CDH13: variants seen among roughly 807,000 people sequenced by gnomAD.
CDH13 encodes cadherin-13.
Under a neutral mutation model 63.8 loss-of-function variants are expected in CDH13, and 24 were observed. That is an observed-to-expected ratio of 0.38 (90% CI 0.27 to 0.53). CDH13 has a LOEUF of 0.53. Among genes scored for constraint, CDH13 ranks in the 20% least tolerant of loss-of-function variants. The probability of loss-of-function intolerance (pLI) is 0.85; values close to 1 mark genes in which losing one functional copy is unlikely to be tolerated. For missense variants in CDH13, 1,049 were observed against 903.1 expected (o/e 1.16, Z -2.07); for synonymous variants, 503 against 355.3 (o/e 1.42, Z -4.67).
intron 1 of CDH13, among the ~76,000 whole-genome samples, chr16:82,853,619 C>G (rs943160070): frequency 2.4e-4 from 37 of 152,210 alleles, no homozygotes; most frequent in African/African-American, 7.7e-4. Context: ...TGGCTTAAAC[C>G]TGTGCTTATA....
intron 1 of CDH13, among the ~76,000 whole-genome samples, chr16:82,737,309 G>T (rs1489560877): frequency 6.6e-6 from 1 of 152,152 alleles, no homozygotes; most frequent in East Asian, 1.9e-4. Context: ...CTCTCTCTTT[G>T]CTGCTCTCAG....
intron 6 of CDH13, among the ~76,000 whole-genome samples, chr16:83,360,869 G>C (rs2091148699): frequency 2.6e-5 from 4 of 152,162 alleles, no homozygotes; most frequent in Admixed American, 1.3e-4. Flanking sequence ...TGAGTACCTA[G>C]GTTGATTCCA....
At position 83,610,516 on chromosome 16, in the gene CDH13, T is replaced by C. The variant is rs73609753; in HGVS notation, c.1101+7922T>C. On this transcript the variant is annotated intron_variant, in intron 8 of 13. Coordinates refer to ENST00000567109, the MANE Select transcript of CDH13 (RefSeq NM_001257.5). ...GGTTCCTGCTAGTCCCACCACCTGCTCGGTAAAACAGCTCCTCTCCTGACG... is the reference window on the plus strand; with the variant it reads ...GGTTCCTGCTAGTCCCACCACCTGCCCGGTAAAACAGCTCCTCTCCTGACG... 4.0e-3 allele frequency among the ~76,000 whole-genome samples: 609 copies of C among 152,258 alleles called. 2 individuals carry two copies. The highest frequency in any genetic ancestry group is 0.014 in the African/African-American group (588 of 41,564).
In CDH13 at chr16:83,556,720, A is replaced by G. The variant is rs114411052; in HGVS notation, c.961-45734A>G. Among the ~76,000 whole-genome samples, 1,225 of 152,322 alleles carry G rather than the reference A, an allele frequency of 8.0e-3. 17 individuals are homozygous for G. The highest frequency in any genetic ancestry group is 0.027 in the African/African-American group (1,134 of 41,560). On this transcript the variant is annotated intron_variant, in intron 7 of 13. Transcript: ENST00000567109. The stretch of plus-strand genomic sequence containing the variant: ...ACATCAAGAATGTCACTTAGAATCA[A>G]TATTGGCCTGGCTTCGATAACTTAC...
chr16:82,660,778 T>TCACC (rs1336040005), intron 1 of CDH13, among the ~76,000 whole-genome samples: 8 of 152,146 alleles, frequency 5.3e-5, no homozygotes, highest in Non-Finnish European at 7.3e-5. Context: ...GGCGGGTGGT[T>TCACC]TTCTTTCCCC....
chr16:83,177,984 G>A (rs2038195506), intron 4 of CDH13, among the ~76,000 whole-genome samples: 1 of 152,168 alleles, frequency 6.6e-6, no homozygotes, highest in Non-Finnish European at 1.5e-5. Flanking sequence ...GATTGAGGAT[G>A]AGTGGGTAGT....
At chr16:82,915,777 CAT>C (rs1567658500) in intron 2 of CDH13, among the ~76,000 whole-genome samples, 1 of 151,146 alleles carries the variant, frequency 6.6e-6, no homozygotes, top group Non-Finnish European at 1.5e-5. Flanking sequence ...TTGCTCATCT[CAT>C]ATCAGAGACT....
At chr16:83,417,197 A>G (rs1377150981) in intron 6 of CDH13, among the ~76,000 whole-genome samples, 1 of 152,072 alleles carries the variant, frequency 6.6e-6, no homozygotes, top group Non-Finnish European at 1.5e-5. Flanking sequence ...AATTTAAACC[A>G]GGGCAGTCTG....
intron 2 of CDH13, among the ~76,000 whole-genome samples, chr16:82,897,695 A>G (rs1272434016): frequency 1.3e-5 from 2 of 152,260 alleles, no homozygotes; most frequent in African/African-American, 4.8e-5. Context: ...TACATTGCCA[A>G]TGCAAGGTGG....
intron 5 of CDH13, among the ~76,000 whole-genome samples, chr16:83,259,620 T>A (rs1054064229): frequency 6.6e-6 from 1 of 152,220 alleles, no homozygotes; most frequent in Non-Finnish European, 1.5e-5. Flanking sequence ...ACAAAGTCAA[T>A]AGAAGACTTC....
intron 6 of CDH13, among the ~76,000 whole-genome samples, chr16:83,387,292 C>T (rs962049602): frequency 6.6e-6 from 1 of 152,164 alleles, no homozygotes; most frequent in Non-Finnish European, 1.5e-5. Context: ...AGGAAGAAGG[C>T]TTAAGATGTG....
chr16:82,973,252 G>C (rs929365983), intron 2 of CDH13, among the ~76,000 whole-genome samples: 1 of 152,222 alleles, frequency 6.6e-6, no homozygotes, highest in African/African-American at 2.4e-5. Context: ...GTTTGAAGCA[G>C]AGCAGATGCT....
At chr16:82,699,978 C>T (rs867739956) in intron 1 of CDH13, among the ~76,000 whole-genome samples, 1 of 152,204 alleles carries the variant, frequency 6.6e-6, no homozygotes, top group Admixed American at 6.5e-5. Flanking sequence ...TGCCAGAGAG[C>T]TTTGTTGATT....
At chr16:82,729,489 A>T (rs954629630) in intron 1 of CDH13, among the ~76,000 whole-genome samples, 15 of 147,290 alleles carry the variant, frequency 1.0e-4, no homozygotes, top group East Asian at 9.8e-4. Flanking sequence ...TTTGGAAGGA[A>T]TTTTTTTTTT....
In CDH13 at chr16:83,678,409, C is replaced by T; in HGVS notation, c.1486C>T (p.Leu496=). The T allele has an allele frequency of 6.2e-7, 1 of 1,614,018 alleles. No individual in the cohort carries two copies. The highest frequency in any genetic ancestry group is 8.5e-7 in the Non-Finnish European group (1 of 1,179,896). ...GGAGGACCTCTCTGTGGGCAGCGTG[C>T]TGCTGACAGTGAATGCCACGGACCC... ...RQEDLSVGSV[L]LTVNATDPDS... The change falls in exon 10 of 14, where the codon CTG becomes TTG. Residue 496 remains leucine (L), a synonymous_variant. Coordinates refer to ENST00000567109, the MANE Select transcript of CDH13 (RefSeq NM_001257.5).
chr16:82,963,774 G>C (rs1272536654), intron 2 of CDH13, among the ~76,000 whole-genome samples: 1 of 152,162 alleles, frequency 6.6e-6, no homozygotes, highest in African/African-American at 2.4e-5. Flanking sequence ...CATGCATGAA[G>C]TACCCATTTC....
intron 3 of CDH13, among the ~76,000 whole-genome samples, chr16:83,053,306 A>C (rs2030578769): frequency 6.6e-6 from 1 of 152,156 alleles, no homozygotes; most frequent in South Asian, 2.1e-4. Flanking sequence ...AGGTCTCGGG[A>C]GGTGTCACTA....
chr16:83,009,674 G>A (rs1913919976), intron 2 of CDH13, among the ~76,000 whole-genome samples: 2 of 152,160 alleles, frequency 1.3e-5, no homozygotes, highest in Admixed American at 1.3e-4. Flanking sequence ...ATCTATTAGT[G>A]CATATTTGAT....
intron 1 of CDH13, among the ~76,000 whole-genome samples, chr16:82,856,693 C>CAAAAA (rs56106728): frequency 2.6e-4 from 13 of 49,554 alleles, no homozygotes; most frequent in Admixed American, 3.9e-4. Flanking sequence ...GACTCGGTCT[C>CAAAAA]AAAAAAAAAA....
Sources: gnomAD v4.1 joint callset for allele counts (sites outside exome capture counted in the v4.1 genomes callset) on GRCh38, gnomAD v4.1.1 for gene constraint, MANE v1.5 for transcripts, NCBI Gene and HGNC (gene_info 2026-07-23, HGNC 2026-07-21) for gene names.